RNF40: variants seen among roughly 807,000 people sequenced by gnomAD.
RNF40 encodes E3 ubiquitin-protein ligase BRE1B.
RNF40 carries 39 observed loss-of-function variants against 123.3 expected under a neutral mutation model. The ratio of observed to expected loss-of-function variants is 0.32; its 90% CI spans 0.24 to 0.41. The LOEUF (loss-of-function observed/expected upper bound fraction) is 0.41. Ranked by LOEUF, RNF40 falls within the 10% of genes least tolerant of loss-of-function variation. The pLI, the probability that RNF40 is intolerant of heterozygous loss-of-function variation, is 1.00. For missense variants in RNF40, 1,003 were observed against 1,319.9 expected, an observed-to-expected ratio of 0.76 and a Z score of 3.72; for synonymous variants, 538 against 526.0, an observed-to-expected ratio of 1.02 and a Z score of -0.31.
chr16:30,766,223 G>A lies in RNF40; in HGVS notation c.1054G>A (p.Glu352Lys), dbSNP rs2054029084. 1 of 1,614,188 alleles carries A rather than the reference G, an allele frequency of 6.2e-7. No homozygotes were observed. Among genetic ancestry groups the A allele is most frequent in the Non-Finnish European group, 8.5e-7 (1 of 1,180,038 alleles). Residue 352 changes from glutamate to lysine, a missense_variant, in exon 9 of 20, where the codon GAG (glutamate) becomes AAG (lysine). Physicochemically the swap from Glu to Lys is moderately conservative, Grantham distance 56 (BLOSUM62 1). Transcript: ENST00000324685. The surrounding 1 kb of genome is among the most constrained non-coding windows in gnomAD (Gnocchi z 5.4). ...NQELANSRMA[E>K]LEKLQAELQG... Reference sequence around the variant, plus strand: ...GGAACTGGCCAACAGCCGTATGGCAGAGCTGGAGAAACTGCAGGCCGAACT... The same window carrying A: ...GGAACTGGCCAACAGCCGTATGGCAAAGCTGGAGAAACTGCAGGCCGAACT...
Position 30,768,438 on chromosome 16 carries a change from C to G in RNF40, c.1887C>G (p.Ser629=), listed in dbSNP as rs368718461. Residue 629 remains serine, a synonymous_variant, in exon 13 of 20, where the codon TCC becomes TCG. Coordinates refer to ENST00000324685, the MANE Select transcript of RNF40 (RefSeq NM_014771.4). This position sits in a 1 kb window ranked among gnomAD's most constrained non-coding sequence, Gnocchi z 4.1. ...GCCTAGGACCTCCACCTGTAGCCTC[C>G]GCTCTCTCAAGGGCTGATCGGGAGA... ...GPSLGPPPVA[S]ALSRADREKA... The G allele has an allele frequency of 8.1e-6, 13 of 1,613,342 alleles. No homozygotes were observed. The highest frequency in any genetic ancestry group is 9.3e-6 in the Non-Finnish European group (11 of 1,179,756).
chr16:30,775,917 G>A lies in RNF40; in HGVS notation c.*1803G>A, dbSNP rs979342386. 2.0e-5 allele frequency: 3 copies of A among 152,308 alleles called. No individual in the cohort carries two copies. Among genetic ancestry groups the A allele is most frequent in the African/African-American group, 4.8e-5 (2 of 41,452 alleles). The allele number at this position is 152,308 out of a possible 1,614,324, so 9.4% of individuals were successfully genotyped here. A position where few individuals can be genotyped will look rare whatever the true frequency, so the allele number is the denominator to read the frequency against. On this transcript the variant is annotated 3_prime_UTR_variant, in exon 20 of 20. Coordinates refer to ENST00000324685, the MANE Select transcript of RNF40 (RefSeq NM_014771.4). ...GACGCGGGCCGCCACGGTGACCTCG[G>A]GCGTAGGGCCGGCGGCGGCGGGCAC...
rs964585357 is a variant in RNF40 at position 30,766,109 on chromosome 16, G to T, written c.994-54G>T. ...GAGTGTATGCTGGGGATGTAAGGGAGGCCTGCTGCCACGTCTGGCCCTGCC... is the reference window on the plus strand; with the variant it reads ...GAGTGTATGCTGGGGATGTAAGGGATGCCTGCTGCCACGTCTGGCCCTGCC... On this transcript the variant is annotated intron_variant, in intron 8 of 19. Coordinates refer to ENST00000324685, the MANE Select transcript of RNF40 (RefSeq NM_014771.4). The surrounding 1 kb of genome is among the most constrained non-coding windows in gnomAD (Gnocchi z 5.4). 1.2e-6 allele frequency: 2 copies of T among 1,611,826 alleles called. No individual in the cohort carries two copies. Among genetic ancestry groups the T allele is most frequent in the African/African-American group, 2.7e-5 (2 of 75,038 alleles).
rs563692570 is a variant in RNF40 at position 30,765,877 on chromosome 16, C to G, written c.994-286C>G. Among the ~76,000 whole-genome samples the G allele has an allele frequency of 5.9e-5, 9 of 152,336 alleles. No homozygotes were observed. The East Asian group carries it at 1.7e-3, about 29-fold the overall frequency. On this transcript the variant is annotated intron_variant, in intron 8 of 19. Coordinates refer to ENST00000324685, the MANE Select transcript of RNF40 (RefSeq NM_014771.4). ...AGAGTGAGTTGGAGTCAGTTGGCAT[C>G]TGGTGGTCACTGTGCCCTTTTTCCC...
intron 4 of RNF40, 101 bp from the exon 5 acceptor site, chr16:30,764,078 T>C: frequency 3.4e-6 from 3 of 887,560 alleles, no homozygotes; most frequent in South Asian, 3.4e-5. Context: ...GTTGTGTTGA[T>C]TAAGTGAACC....
At position 30,763,233 on chromosome 16, in the gene RNF40, G is replaced by C; in HGVS notation, c.248G>C (p.Arg83Pro). Reference protein sequence around the residue: ...LRERIEKLEKRQATDDATLLI... With the variant: ...LRERIEKLEKPQATDDATLLI... ...GAACGAATTGAGAAGTTGGAGAAGC[G>C]GCAGGCCACAGATGATGCCACACTC... The change falls in exon 3 of 20, where the codon CGG (arginine) becomes CCG (proline). Residue 83 changes from arginine to proline, a missense_variant. Physicochemically the swap from Arg to Pro is moderately radical, Grantham distance 103 (BLOSUM62 -2). Coordinates refer to ENST00000324685, the MANE Select transcript of RNF40 (RefSeq NM_014771.4). 6.2e-7 allele frequency: 1 copy of C among 1,614,110 alleles called. No homozygotes were observed. Among genetic ancestry groups the C allele is most frequent in the Non-Finnish European group, 8.5e-7 (1 of 1,180,022 alleles).
Position 30,769,175 on chromosome 16 carries a change from A to T in RNF40, c.2248-11A>T. ...CCCACGTTCCATCTTGTCTCTGCCC[A>T]CTTGCTGCAGGAGGAGGAGGCTCTG... On this transcript the variant is annotated splice_polypyrimidine_tract_variant and intron_variant, in intron 15 of 19. Coordinates refer to ENST00000324685, the MANE Select transcript of RNF40 (RefSeq NM_014771.4). The T allele has an allele frequency of 6.2e-7, 1 of 1,613,880 alleles. No individual in the cohort carries two copies. The highest frequency in any genetic ancestry group is 1.1e-5 in the South Asian group (1 of 91,048).
chr16:30,773,941 C>G lies in RNF40; in HGVS notation c.2833C>G (p.Arg945Gly). 6.2e-7 allele frequency: 1 copy of G among 1,611,466 alleles called. No individual in the cohort carries two copies. The highest frequency in any genetic ancestry group is 8.5e-7 in the Non-Finnish European group (1 of 1,178,070). The change falls in exon 20 of 20, where the codon CGG becomes GGG. Residue 945 changes from arginine to glycine, a missense_variant. Physicochemically the swap from Arg to Gly is moderately radical, Grantham distance 125. Coordinates refer to ENST00000324685, the MANE Select transcript of RNF40 (RefSeq NM_014771.4). ...LQEEIKEYKA[R>G]LTCPCCNTRK... The stretch of plus-strand genomic sequence containing the variant: ...CTGATGCCTTTGCCTGGCCCAGGCG[C>G]GGTTGACCTGCCCCTGCTGTAACAC...
intron 11 of RNF40, chr16:30,767,640 A>AT (rs530982264): frequency 5.4e-4 from 212 of 393,782 alleles, no homozygotes; most frequent in African/African-American, 4.1e-3. Context: ...CACTGTTTCT[A>AT]TTTAAAAAAA....
At chr16:30,769,032 C>A (rs187029852) in intron 15 of RNF40, 45 bp downstream of exon 15, 3 of 1,611,680 alleles carry the variant, frequency 1.9e-6, no homozygotes, top group Admixed American at 3.3e-5. Flanking sequence ...AGGGAGTTCC[C>A]TTCATACCCT....
chr16:30,765,891 G>A (rs2054021312), intron 8 of RNF40, among the ~76,000 whole-genome samples: 1 of 152,174 alleles, frequency 6.6e-6, no homozygotes, highest in African/African-American at 2.4e-5. Flanking sequence ...TGGTCACTGT[G>A]CCCTTTTTCC....
At chr16:30,773,320 CAG>C (rs1194120667) in intron 19 of RNF40, among the ~76,000 whole-genome samples, 3 of 152,032 alleles carry the variant, frequency 2.0e-5, no homozygotes, top group African/African-American at 7.3e-5. Context: ...TCCTGGGAGA[CAG>C]GAGTGATGGC....
chr16:30,761,642 T>G (rs1199727768), upstream of RNF40: 20 of 1,535,984 alleles, frequency 1.3e-5, no homozygotes, highest in Non-Finnish European at 1.7e-5. Context: ...GGCCGACCCA[T>G]GCACTGAGCT....
At position 30,776,168 on chromosome 16, in the gene RNF40, C is replaced by G. The variant is rs999468933; in HGVS notation, c.*2054C>G. Reference sequence around the variant, plus strand: ...GGTCCCCTTCCAGGAGTAGCCTTCGCCTGGGCTCTTGAGTAGATGCCAAGT... The same window carrying G: ...GGTCCCCTTCCAGGAGTAGCCTTCGGCTGGGCTCTTGAGTAGATGCCAAGT... On this transcript the variant is annotated 3_prime_UTR_variant, in exon 20 of 20. Coordinates refer to ENST00000324685, the MANE Select transcript of RNF40 (RefSeq NM_014771.4). The G allele has an allele frequency of 2.6e-5, 4 of 152,216 alleles. No individual in the cohort carries two copies. The highest frequency in any genetic ancestry group is 4.8e-5 in the African/African-American group (2 of 41,450). The allele number at this position is 152,216 out of a possible 1,614,324, so 9.4% of individuals were successfully genotyped here.
At chr16:30,773,176 T>C (rs781352076) in intron 19 of RNF40, among the ~76,000 whole-genome samples, 4 of 151,954 alleles carry the variant, frequency 2.6e-5, no homozygotes, top group Non-Finnish European at 4.4e-5. Context: ...GGAATGTCAG[T>C]AGAGGCAGAG....
chr16:30,767,672 C>T (rs557175665), intron 11 of RNF40: 27 of 507,518 alleles, frequency 5.3e-5, no homozygotes, highest in African/African-American at 4.2e-4. Context: ...CCCACATATT[C>T]TATATTAGCA....
rs772327028 is a variant in RNF40 at position 30,768,703 on chromosome 16, G to A, written c.2064G>A (p.Gln688=). The A allele has an allele frequency of 1.9e-6, 3 of 1,614,124 alleles. No homozygotes were observed. The South Asian group carries it at 3.3e-5, about 18-fold the overall frequency. Residue 688 remains glutamine, a synonymous_variant, in exon 14 of 20, where the codon CAG becomes CAA. Transcript: ENST00000324685. This position sits in a 1 kb window ranked among gnomAD's most constrained non-coding sequence, Gnocchi z 4.1. Reference sequence around the variant, plus strand: ...CCAAGGAGCAGCGGGATAAGGTGCAGCTCATGGCAGCGGAACGCAAGGCTA... The same window carrying A: ...CCAAGGAGCAGCGGGATAAGGTGCAACTCATGGCAGCGGAACGCAAGGCTA... ...SAPKEQRDKV[Q]LMAAERKAKA...
In RNF40 at chr16:30,762,540, G is replaced by A. The variant is rs1339347868; in HGVS notation, c.-6G>A. ...GGGACCCTGCATCGCTCCAGCCGCCGCGGCCATGTCTGGGCCAGGCAACAA... is the reference window on the plus strand; with the variant it reads ...GGGACCCTGCATCGCTCCAGCCGCCACGGCCATGTCTGGGCCAGGCAACAA... On this transcript the variant is annotated 5_prime_UTR_variant, in exon 2 of 20. Coordinates refer to ENST00000324685, the MANE Select transcript of RNF40 (RefSeq NM_014771.4). 6.3e-7 allele frequency: 1 copy of A among 1,582,816 alleles called. No homozygotes were observed. The highest frequency in any genetic ancestry group is 1.9e-5 in the Admixed American group (1 of 52,388).
In RNF40 at chr16:30,762,341, C is replaced by G. The variant is rs2053863496; in HGVS notation, c.-91C>G. Reference sequence around the variant, plus strand: ...TCCGGTGAAATCCAAGATGGCGGCGCTAGGCTGACCCTCCTGCTGGTGAGG... The same window carrying G: ...TCCGGTGAAATCCAAGATGGCGGCGGTAGGCTGACCCTCCTGCTGGTGAGG... On this transcript the variant is annotated 5_prime_UTR_variant, in exon 1 of 20. Transcript: ENST00000324685. 1 of 539,948 alleles carries G rather than the reference C, an allele frequency of 1.9e-6. No individual in the cohort carries two copies. Among genetic ancestry groups the G allele is most frequent in the Admixed American group, 4.0e-5 (1 of 24,974 alleles). The allele number at this position is 539,948 out of a possible 1,614,324, so 33.4% of individuals were successfully genotyped here.
Sources: gnomAD v4.1 joint callset for allele counts (sites outside exome capture counted in the v4.1 genomes callset) on GRCh38, gnomAD v4.1.1 for gene constraint, Gnocchi (gnomAD v3.1) non-coding constraint, MANE v1.5 for transcripts, NCBI Gene and HGNC (gene_info 2026-07-23, HGNC 2026-07-21) for gene names.